AUTS2: variants seen among roughly 807,000 people sequenced by gnomAD.
The protein encoded by AUTS2 is activator of transcription and developmental regulator AUTS2, also known as autism susceptibility gene 2 protein.
In AUTS2, 17 loss-of-function variants were observed where a neutral mutation model predicts 112.4. The ratio of observed to expected loss-of-function variants is 0.15; its 90% confidence interval spans 0.10 to 0.23. The LOEUF (loss-of-function observed/expected upper bound fraction) is 0.23. Ranked by LOEUF, AUTS2 falls within the 10% of genes least tolerant of loss-of-function variation. The pLI, the probability that AUTS2 is intolerant of heterozygous loss-of-function variation, is 1.00. For synonymous variants in AUTS2, 751 were observed against 702.7 expected, an observed-to-expected ratio of 1.07 and a Z score of -1.09; for missense variants, 1,510 against 1,701.6, an observed-to-expected ratio of 0.89 and a Z score of 1.98.
chr7:70,454,612 G>A (rs906834714), intron 5 of AUTS2, among the ~76,000 whole-genome samples: 8 of 151,916 alleles, frequency 5.3e-5, no homozygotes, highest in Non-Finnish European at 1.0e-4. Flanking sequence ...GTAACTACTC[G>A]GGCCGGGCAC....
chr7:70,636,389 A>G (rs1036096090), intron 5 of AUTS2, among the ~76,000 whole-genome samples: 3 of 152,162 alleles, frequency 2.0e-5, no homozygotes, highest in South Asian at 2.1e-4. Context: ...ACTCTAAGCA[A>G]TACCTTCATA....
At chr7:70,379,483 CA>C (rs1294837810) in intron 4 of AUTS2, among the ~76,000 whole-genome samples, 5 of 148,520 alleles carry the variant, frequency 3.4e-5, no homozygotes, top group Admixed American at 1.3e-4. Flanking sequence ...CCCTGGGTGA[CA>C]GAGCGAGCAT....
At chr7:70,498,798 A>C (rs947564351) in intron 5 of AUTS2, among the ~76,000 whole-genome samples, 1 of 152,216 alleles carries the variant, frequency 6.6e-6, no homozygotes, top group African/African-American at 2.4e-5. Context: ...AGCTGCGATG[A>C]TGTGTGCCAG....
intron 1 of AUTS2, among the ~76,000 whole-genome samples, chr7:69,808,861 G>T (rs946992803): frequency 6.6e-5 from 10 of 152,168 alleles, no homozygotes; most frequent in Non-Finnish European, 1.2e-4. Flanking sequence ...TGCATACTTT[G>T]TTAGGAGACA....
At chr7:70,515,680 C>T (rs975593100) in intron 5 of AUTS2, among the ~76,000 whole-genome samples, 5 of 152,088 alleles carry the variant, frequency 3.3e-5, no homozygotes, top group African/African-American at 1.2e-4. Flanking sequence ...ACCTTGTTTG[C>T]CTCTCCCTGA....
intron 2 of AUTS2, among the ~76,000 whole-genome samples, chr7:70,062,814 G>C (rs1254953462): frequency 1.3e-5 from 2 of 152,198 alleles, no homozygotes; most frequent in Non-Finnish European, 2.9e-5. Flanking sequence ...AGTTGTGGCA[G>C]TAAACCTGGG....
intron 6 of AUTS2, among the ~76,000 whole-genome samples, chr7:70,736,443 G>T (rs1787787113): frequency 1.3e-5 from 2 of 152,232 alleles, no homozygotes; most frequent in Non-Finnish European, 1.5e-5. Flanking sequence ...AGTTGGTTTA[G>T]GGGGTCAGGT....
intron 6 of AUTS2, among the ~76,000 whole-genome samples, chr7:70,739,130 A>G (rs934742064): frequency 6.9e-6 from 1 of 145,516 alleles, no homozygotes; most frequent in African/African-American, 2.6e-5. Flanking sequence ...GGGTTCAAAC[A>G]ATCCTCCTGC....
At chr7:70,163,322 G>A (rs1241936240) in intron 4 of AUTS2, among the ~76,000 whole-genome samples, 1 of 132,790 alleles carries the variant, frequency 7.5e-6, no homozygotes, top group Non-Finnish European at 1.6e-5. Context: ...TCATACCAAA[G>A]ATGAGTGTTA....
At chr7:70,403,754 G>C (rs868231860) in intron 4 of AUTS2, among the ~76,000 whole-genome samples, 13 of 152,314 alleles carry the variant, frequency 8.5e-5, no homozygotes, top group Middle Eastern at 6.8e-3. Context: ...AGAATGTTTT[G>C]ATACAAAATT....
intron 5 of AUTS2, among the ~76,000 whole-genome samples, chr7:70,540,283 C>G (rs966113329): frequency 1.6e-4 from 25 of 152,172 alleles, no homozygotes; most frequent in Non-Finnish European, 2.4e-4. Flanking sequence ...AGGCTTCTTG[C>G]TACCATCCTC....
chr7:69,830,259 C>T (rs796457324), intron 1 of AUTS2, among the ~76,000 whole-genome samples: 9 of 152,070 alleles, frequency 5.9e-5, no homozygotes, highest in East Asian at 1.9e-4. Context: ...GGAAGGAGAG[C>T]GTCAGAACAA....
chr7:69,874,632 G>A (rs944056351), intron 1 of AUTS2, among the ~76,000 whole-genome samples: 2 of 152,058 alleles, frequency 1.3e-5, no homozygotes, highest in African/African-American at 2.4e-5. Context: ...GAATTTGTAG[G>A]TGTCAGCCCC....
rs139639950 is a variant in AUTS2, at chr7:69,768,314, G to A, written c.310-130972G>A. ...ATACTTAGCACTTACCATGTGCTAGGTACTTTGTAATTAAGCATTTTACTT... is the reference window on the plus strand; with the variant it reads ...ATACTTAGCACTTACCATGTGCTAGATACTTTGTAATTAAGCATTTTACTT... On this transcript the variant is annotated intron_variant, in intron 1 of 18. Coordinates refer to ENST00000342771, the MANE Select transcript of AUTS2 (RefSeq NM_015570.4). 2.3e-3 allele frequency among the ~76,000 whole-genome samples: 354 copies of A among 152,300 alleles called. 1 individual carries two copies. The highest frequency in any genetic ancestry group is 7.5e-3 in the African/African-American group (311 of 41,560).
chr7:70,763,304 G>C lies in AUTS2; in HGVS notation c.1177G>C (p.Ala393Pro), dbSNP rs569780077. The C allele has an allele frequency of 1.9e-6, 3 of 1,598,114 alleles. No homozygotes were observed. Among genetic ancestry groups the C allele is most frequent in the Non-Finnish European group, 1.7e-6 (2 of 1,170,980 alleles). ...TCAGAGCCTCTCCCAGCCATTGTCA[G>C]CCTACAACAGCAGTAGCTTAAGCCT... is the stretch of plus-strand genomic sequence containing the variant. ...SAQSLSQPLS[A>P]YNSSSLSLNS... Residue 393 changes from alanine to proline, a missense_variant, in exon 7 of 19, where the codon GCC becomes CCC. This residue lies in a region of AUTS2 where 535 missense variants were observed against 594.3 expected (regional missense o/e 0.90). Transcript: ENST00000342771.
At chr7:70,422,133 T>C (rs1399946852) in intron 4 of AUTS2, among the ~76,000 whole-genome samples, 1 of 152,216 alleles carries the variant, frequency 6.6e-6, no homozygotes, top group Non-Finnish European at 1.5e-5. Context: ...TATGTGACGG[T>C]AGCCTAAGAT....
intron 5 of AUTS2, among the ~76,000 whole-genome samples, chr7:70,476,443 G>T (rs959500368): frequency 6.6e-6 from 1 of 152,202 alleles, no homozygotes; most frequent in African/African-American, 2.4e-5. Context: ...CAAGACCAGA[G>T]ACAGAGTCTT....
chr7:70,209,549 AAC>A (rs1810748816), intron 4 of AUTS2, among the ~76,000 whole-genome samples: 1 of 152,138 alleles, frequency 6.6e-6, no homozygotes, highest in Non-Finnish European at 1.5e-5. Context: ...GGGGGCTGAG[AAC>A]AGAGTCTCAT....
At chr7:69,686,536 G>C (rs930745862) in intron 1 of AUTS2, among the ~76,000 whole-genome samples, 4 of 152,166 alleles carry the variant, frequency 2.6e-5, no homozygotes, top group African/African-American at 9.7e-5. Context: ...TTTCCAAGGA[G>C]TCATAAGCAG....
Sources: allele counts gnomAD v4.1 joint callset (sites outside exome capture counted in the v4.1 genomes callset), GRCh38; gene constraint gnomAD v4.1.1; regional missense constraint gnomAD v4.1.1; transcripts MANE v1.5; gene names NCBI Gene and HGNC (gene_info 2026-07-23, HGNC 2026-07-21).